Variants in TULP4 observed in about 807,000 individuals in gnomAD.
TULP4 encodes the protein tubby-related protein 4.
Under a neutral mutation model 129.0 loss-of-function variants are expected in TULP4, and 16 were observed. The observed-to-expected ratio is 0.12, with a 90% confidence interval of 0.08 to 0.19. The LOEUF (loss-of-function observed/expected upper bound fraction) is 0.19. TULP4 is among the 10% of genes least tolerant of loss of function. The pLI is 1.00. For missense variants in TULP4, 1,842 were observed against 2,059.1 expected, an observed-to-expected ratio of 0.89 and a Z score of 2.04; for synonymous variants, 998 against 854.0, an observed-to-expected ratio of 1.17 and a Z score of -2.94.
upstream of TULP4, among the ~76,000 whole-genome samples, chr6:158,278,814 G>A (rs538701145): frequency 6.6e-6 from 1 of 152,318 alleles, no homozygotes; most frequent in Admixed American, 6.5e-5. Context: ...TGTAGAACCA[G>A]TGAAAGGAAG....
chr6:158,384,503 T>C (rs1777396473), intron 1 of TULP4, among the ~76,000 whole-genome samples: 1 of 152,186 alleles, frequency 6.6e-6, no homozygotes, highest in African/African-American at 2.4e-5. Context: ...TTAGCCAGGA[T>C]GATCTTGATC....
intron 5 of TULP4, among the ~76,000 whole-genome samples, chr6:158,458,470 ACT>A (rs1779344776): frequency 6.6e-6 from 1 of 152,110 alleles, no homozygotes; most frequent in African/African-American, 2.4e-5. Context: ...GAGATTAGAG[ACT>A]CTGGGCCACG....
chr6:158,235,663 T>TA (rs1777677871), intron 1 of TULP4, among the ~76,000 whole-genome samples: 1 of 152,196 alleles, frequency 6.6e-6, no homozygotes, highest in African/African-American at 2.4e-5. Flanking sequence ...CCTGTCCTTC[T>TA]AAAAACTGAA....
At chr6:158,484,758 C>G (rs1780027348) in intron 8 of TULP4, among the ~76,000 whole-genome samples, 1 of 152,228 alleles carries the variant, frequency 6.6e-6, no homozygotes, top group Admixed American at 6.5e-5. Flanking sequence ...TCACCCTAAC[C>G]TTGAGACTGC....
intron 3 of TULP4, among the ~76,000 whole-genome samples, chr6:158,432,485 C>T (rs1424343514): frequency 6.6e-6 from 1 of 152,124 alleles, no homozygotes; most frequent in Non-Finnish European, 1.5e-5. Context: ...AAATAGCTTC[C>T]AGGAGTAAAC....
At chr6:158,320,621 G>A (rs1287402958) in intron 1 of TULP4, among the ~76,000 whole-genome samples, 1 of 151,954 alleles carries the variant, frequency 6.6e-6, no homozygotes. Context: ...TAGTAGAAAC[G>A]GGATTTTGCC....
chr6:158,276,329 AG>A (rs1446002191), intron 1 of TULP4, among the ~76,000 whole-genome samples: 1 of 145,784 alleles, frequency 6.9e-6, no homozygotes, highest in Non-Finnish European at 1.5e-5. Flanking sequence ...TTTTGAGACA[AG>A]GTTTTGCTCT....
chr6:158,413,469 C>G lies in TULP4; in HGVS notation c.381+276C>G, dbSNP rs896047239. ...CAGATCTGTGAAGTCATTTTTTACC[C>G]TTCAGTGTTGTGATTCCATGTTAAA... On this transcript the variant is annotated intron_variant, in intron 2 of 13. Transcript: ENST00000367097. The surrounding 1 kb of genome is among the most constrained non-coding windows in gnomAD (Gnocchi z 4.9). 6.6e-6 allele frequency among the ~76,000 whole-genome samples: 1 copy of G among 152,198 alleles called. No individual in the cohort carries two copies. The highest frequency in any genetic ancestry group is 2.4e-5 in the African/African-American group (1 of 41,436).
At chr6:158,386,385 A>G (rs1003612298) in intron 1 of TULP4, among the ~76,000 whole-genome samples, 2 of 152,214 alleles carry the variant, frequency 1.3e-5, no homozygotes, top group Non-Finnish European at 2.9e-5. Flanking sequence ...ATATTAATTT[A>G]AAATAATTTG....
chr6:158,237,590 C>T (rs1401360036), intron 1 of TULP4: 1 of 1,515,240 alleles, frequency 6.6e-7, no homozygotes, highest in Non-Finnish European at 9.1e-7. Flanking sequence ...TTCTTTCTTC[C>T]CTGGTAGAAA....
chr6:158,369,961 G>A (rs1316739384), intron 1 of TULP4, among the ~76,000 whole-genome samples: 1 of 152,076 alleles, frequency 6.6e-6, no homozygotes, highest in African/African-American at 2.4e-5. Context: ...GCCGAGGCAG[G>A]CAGATAGCTT....
rs1780466031 is a variant in TULP4, at chr6:158,502,213, C to T, written c.2550C>T (p.Pro850=). ...TIPAAPTTAA[P]PPPLPPPQPP... ...CCGCTGCCCCCACCACAGCAGCACC[C>T]CCGCCCCCTCTGCCGCCCCCACAGC... Residue 850 remains proline (P), a synonymous_variant, in exon 13 of 14, where the codon CCC becomes CCT. Transcript: ENST00000367097. 4 of 1,507,216 alleles carry T rather than the reference C, an allele frequency of 2.7e-6. No individual in the cohort carries two copies. Among genetic ancestry groups the T allele is most frequent in the Non-Finnish European group, 3.6e-6 (4 of 1,113,928 alleles). The allele number at this position is 1,507,216 out of a possible 1,614,324, so 93.4% of individuals were successfully genotyped here. A position where few individuals can be genotyped will look rare whatever the true frequency, so the allele number is the denominator to read the frequency against.
chr6:158,415,116 C>T (rs919459446), intron 2 of TULP4, among the ~76,000 whole-genome samples: 3 of 152,150 alleles, frequency 2.0e-5, no homozygotes, highest in Non-Finnish European at 2.9e-5. Context: ...GCATATACGA[C>T]GGTGATCTCA....
At chr6:158,465,214 G>C (rs1222504636) in intron 6 of TULP4, among the ~76,000 whole-genome samples, 2 of 152,144 alleles carry the variant, frequency 1.3e-5, no homozygotes, top group Non-Finnish European at 2.9e-5. Flanking sequence ...GGCCCATTCC[G>C]TAGGTTGGGT....
chr6:158,245,245 T>C lies in TULP4; in HGVS notation n.68+12942T>C, dbSNP rs80126074. On this transcript the variant is annotated intron_variant and non_coding_transcript_variant, in intron 1 of 1. Coordinates refer to the TULP4 transcript ENST00000620026. The stretch of plus-strand genomic sequence containing the variant: ...CCTGGGCTCAAGGGATCCTCCTGCC[T>C]TGCCCTCCCGAAGTGTTGGGGTTAC... Among the ~76,000 whole-genome samples, 113 of 152,100 alleles carry C rather than the reference T, an allele frequency of 7.4e-4. 1 individual carries two copies. The East Asian group carries it at 0.02, about 27-fold the overall frequency.
chr6:158,316,223 G>A (rs895811143), intron 1 of TULP4, among the ~76,000 whole-genome samples: 3 of 150,182 alleles, frequency 2.0e-5, no homozygotes, highest in Admixed American at 1.3e-4. Context: ...CCAGTTTTTG[G>A]CTGTTGTGAC....
upstream of TULP4, among the ~76,000 whole-genome samples, chr6:158,280,839 T>G (rs560548756): frequency 8.5e-5 from 13 of 152,346 alleles, no homozygotes; most frequent in South Asian, 2.7e-3. Flanking sequence ...CTTAGCACAG[T>G]GCCTGGGATG....
intron 1 of TULP4, among the ~76,000 whole-genome samples, chr6:158,265,573 T>C (rs10946206): frequency 0.17 from 26,232 of 151,906 alleles, 2,703 homozygotes; most frequent in Middle Eastern, 0.24. Context: ...TCCCAGCTAC[T>C]TGGGAGGCTG....
chr6:158,481,313 G>A (rs1779940347), intron 8 of TULP4, 24 bp downstream of exon 8: 3 of 1,597,206 alleles, frequency 1.9e-6, no homozygotes, highest in Middle Eastern at 1.7e-4. Flanking sequence ...CCGAGGGACT[G>A]GGACCTTGTT....
Sources: gnomAD v4.1 joint callset for allele counts (sites outside exome capture counted in the v4.1 genomes callset) on GRCh38, gnomAD v4.1.1 for gene constraint, Gnocchi (gnomAD v3.1) non-coding constraint, MANE v1.5 for transcripts, NCBI Gene and HGNC (gene_info 2026-07-23, HGNC 2026-07-21) for gene names.